SFMBT2: variants seen among roughly 807,000 people sequenced by gnomAD.
SFMBT2 encodes scm-like with four MBT domains protein 2.
In SFMBT2, 38 loss-of-function variants were observed where a neutral mutation model predicts 110.1. That is an observed-to-expected ratio of 0.35 (90% CI 0.27 to 0.45). The LOEUF (loss-of-function observed/expected upper bound fraction) is 0.45, where lower values mean the gene tolerates loss of function less well. Among genes scored for constraint, SFMBT2 ranks in the 20% least tolerant of loss-of-function variants. The pLI is 1.00. For synonymous variants in SFMBT2, 425 were observed against 425.4 expected, an observed-to-expected ratio of 1.00 and a Z score of 0.01; for missense variants, 1,011 against 1,094.9, an observed-to-expected ratio of 0.92 and a Z score of 1.08.
At chr10:7,363,409 C>T (rs1200042506) in intron 4 of SFMBT2, among the ~76,000 whole-genome samples, 9 of 151,698 alleles carry the variant, frequency 5.9e-5, no homozygotes, top group Admixed American at 1.3e-4. Flanking sequence ...AGTGCAGTGG[C>T]GCGATCTCGG....
chr10:7,166,609 A>G (rs1223494527), intron 20 of SFMBT2, among the ~76,000 whole-genome samples: 2 of 152,220 alleles, frequency 1.3e-5, no homozygotes, highest in African/African-American at 4.8e-5. Flanking sequence ...GGAGGGTGGC[A>G]GACAAGTAAA....
chr10:7,407,990 G>A (rs1302113246), intron 1 of SFMBT2, among the ~76,000 whole-genome samples: 1 of 152,220 alleles, frequency 6.6e-6, no homozygotes, highest in Non-Finnish European at 1.5e-5. Flanking sequence ...CCCACCAGAA[G>A]GAAAAACTTG....
intron 11 of SFMBT2, chr10:7,206,950 G>C (rs1317927656): frequency 5.1e-6 from 5 of 985,310 alleles, no homozygotes; most frequent in Non-Finnish European, 6.0e-6. Flanking sequence ...CAGTGGCCGG[G>C]TGTGGTGGCT....
chr10:7,395,302 G>A lies in SFMBT2; in HGVS notation c.-51-13353C>T, dbSNP rs191106483. The stretch of plus-strand genomic sequence containing the variant: ...TTGGAGGAAAAAAAAAGAATTCTAC[G>A]TTGGAAAAACGTCCTCCCTCAGAAT... On this transcript the variant is annotated intron_variant, in intron 1 of 20. Transcript: ENST00000397167. Among the ~76,000 whole-genome samples, 393 of 152,304 alleles carry A rather than the reference G, an allele frequency of 2.6e-3. 2 individuals are homozygous for A. The highest frequency in any genetic ancestry group is 2.8e-3 in the Non-Finnish European group (191 of 68,030).
intron 1 of SFMBT2, among the ~76,000 whole-genome samples, chr10:7,387,775 A>AG (rs1019911380): frequency 7.3e-6 from 1 of 137,728 alleles, no homozygotes; most frequent in African/African-American, 3.2e-5. Context: ...TATTAAAAAT[A>AG]GGAAAAAAAA....
chr10:7,158,692 T>C lies in SFMBT2; in HGVS notation c.*5078A>G, dbSNP rs1322994871. On this transcript the variant is annotated 3_prime_UTR_variant, in exon 21 of 21. Transcript: ENST00000397167. ...TTTGAAGTAAAAAGGGTTTTTTTCA[T>C]TTAGAATAAAAATTAAAATATAACT... The C allele has an allele frequency of 6.6e-6, 1 of 152,228 alleles. No homozygotes were observed. The highest frequency in any genetic ancestry group is 1.5e-5 in the Non-Finnish European group (1 of 68,036). The allele number at this position is 152,228 out of a possible 1,614,324, so 9.4% of individuals were successfully genotyped here.
intron 1 of SFMBT2, among the ~76,000 whole-genome samples, chr10:7,402,903 C>A (rs79340590): frequency 0.029 from 4,478 of 152,342 alleles, 71 homozygotes; most frequent in Middle Eastern, 0.048. Flanking sequence ...TCTCTTCCCC[C>A]AGCTTTCGAT....
chr10:7,335,771 A>G (rs1272824508), intron 4 of SFMBT2, among the ~76,000 whole-genome samples: 1 of 152,208 alleles, frequency 6.6e-6, no homozygotes, highest in East Asian at 1.9e-4. Context: ...GGCAAAAGAC[A>G]CTACATTCTG....
At chr10:7,245,957 A>G (rs188712343) in intron 8 of SFMBT2, among the ~76,000 whole-genome samples, 3 of 152,320 alleles carry the variant, frequency 2.0e-5, no homozygotes, top group Admixed American at 1.3e-4. Flanking sequence ...ATAATATTCC[A>G]AAGTACTTTC....
intron 15 of SFMBT2, among the ~76,000 whole-genome samples, chr10:7,193,773 A>G (rs1838680839): frequency 6.6e-6 from 1 of 152,226 alleles, no homozygotes; most frequent in African/African-American, 2.4e-5. Context: ...ATGAGATGGT[A>G]TGTAAGTTAC....
At position 7,172,198 on chromosome 10, in the gene SFMBT2, G is replaced by A. The variant is rs201820979; in HGVS notation, c.2152-40C>T. The A allele has an allele frequency of 1.1e-3, 1,655 of 1,517,432 alleles. 33 individuals are homozygous for A. The East Asian group carries it at 0.025, about 23-fold the overall frequency. The allele number at this position is 1,517,432 out of a possible 1,614,324, so 94.0% of individuals were successfully genotyped here. A position where few individuals can be genotyped will look rare whatever the true frequency, so the allele number is the denominator to read the frequency against. On this transcript the variant is annotated intron_variant, in intron 18 of 20. Transcript: ENST00000397167. This position sits in a 1 kb window ranked among gnomAD's most constrained non-coding sequence, Gnocchi z 4.6. ...AAGGCATTTAAGGGGCTGGTGGCCC[G>A]GGGGCCTGTAGCGGTGGCCCCGCGG...
At chr10:7,362,416 T>C (rs1844752375) in intron 4 of SFMBT2, among the ~76,000 whole-genome samples, 1 of 152,188 alleles carries the variant, frequency 6.6e-6, no homozygotes, top group Non-Finnish European at 1.5e-5. Flanking sequence ...AAAAGAGCCA[T>C]GCAAGAAAAC....
intron 4 of SFMBT2, chr10:7,320,556 G>T: frequency 1.0e-6 from 1 of 976,210 alleles, no homozygotes. Flanking sequence ...TAGGAAGTAA[G>T]ATCAACAATT....
At chr10:7,180,016 C>G (rs11594362) in intron 16 of SFMBT2, among the ~76,000 whole-genome samples, 5,354 of 152,258 alleles carry the variant, frequency 0.035, 132 homozygotes, top group Non-Finnish European at 0.055. Context: ...AGGGCACGGG[C>G]TGGGGAAGCT....
At chr10:7,309,816 G>T (rs923024748) in intron 4 of SFMBT2, among the ~76,000 whole-genome samples, 2 of 152,176 alleles carry the variant, frequency 1.3e-5, no homozygotes, top group Non-Finnish European at 2.9e-5. Flanking sequence ...GGAGGTGGGT[G>T]TCTGTAACAA....
chr10:7,343,880 T>C (rs1216905229), intron 4 of SFMBT2, among the ~76,000 whole-genome samples: 2 of 152,212 alleles, frequency 1.3e-5, no homozygotes, highest in East Asian at 3.9e-4. Context: ...ATGGCTGTTC[T>C]GTTCCTCCAA....
At chr10:7,201,580 C>T (rs1428632138) in intron 13 of SFMBT2, among the ~76,000 whole-genome samples, 2 of 152,182 alleles carry the variant, frequency 1.3e-5, no homozygotes, top group Non-Finnish European at 2.9e-5. Flanking sequence ...AGTTCCAGTT[C>T]AATTTCATCT....
intron 4 of SFMBT2, among the ~76,000 whole-genome samples, chr10:7,308,958 G>A (rs1369296590): frequency 6.6e-6 from 1 of 152,158 alleles, no homozygotes; most frequent in Admixed American, 6.5e-5. Flanking sequence ...TATCCAAATG[G>A]CTAGAAAACA....
intron 4 of SFMBT2, among the ~76,000 whole-genome samples, chr10:7,324,490 C>T (rs1055978911): frequency 1.1e-4 from 17 of 152,062 alleles, no homozygotes; most frequent in East Asian, 3.9e-4. Flanking sequence ...AAACTGCAGC[C>T]GAGGATCTTG....
Sources: allele counts gnomAD v4.1 joint callset (sites outside exome capture counted in the v4.1 genomes callset), GRCh38; gene constraint gnomAD v4.1.1; non-coding constraint Gnocchi (gnomAD v3.1); transcripts MANE v1.5; gene names NCBI Gene and HGNC (gene_info 2026-07-23, HGNC 2026-07-21).